TMEM156: variants seen among roughly 807,000 people sequenced by gnomAD.
TMEM156 encodes transmembrane protein 156.
TMEM156 carries 28 observed loss-of-function variants against 30.5 expected under a neutral mutation model. The ratio of observed to expected loss-of-function variants is 0.92; its 90% confidence interval spans 0.68 to 1.26. The LOEUF is 1.26. Among genes scored for constraint, TMEM156 ranks in the 50% most tolerant of loss-of-function variants. TMEM156 has a pLI of 0.00. For missense variants in TMEM156, 351 were observed against 340.6 expected (o/e 1.03, Z -0.24); for synonymous variants, 137 against 119.9 (o/e 1.14, Z -0.93).
At chr4:38,994,074 AT>A in intron 2 of TMEM156, 76 bp from the exon 3 acceptor site, 1 of 1,293,496 alleles carries the variant, frequency 7.7e-7, no homozygotes, top group East Asian at 2.4e-5. Context: ...TCAAAACTAA[AT>A]CTCTTCCTTT....
intron 1 of TMEM156, among the ~76,000 whole-genome samples, chr4:39,012,624 G>C (rs11096972): frequency 0.38 from 57,363 of 152,002 alleles, 11,529 homozygotes; most frequent in East Asian, 0.6. Flanking sequence ...TGGCCAACAT[G>C]GTGAAACCTG....
intron 5 of TMEM156, among the ~76,000 whole-genome samples, chr4:38,976,330 A>G (rs929427363): frequency 2.4e-4 from 36 of 151,442 alleles, no homozygotes; most frequent in African/African-American, 8.5e-4. Context: ...CCATGCTGTG[A>G]AATGCCTATG....
chr4:39,008,289 T>C (rs1451840454), intron 1 of TMEM156, among the ~76,000 whole-genome samples: 1 of 152,168 alleles, frequency 6.6e-6, no homozygotes, highest in African/African-American at 2.4e-5. Flanking sequence ...GCAAATTCTC[T>C]TTTAGTCCTA....
At chr4:38,973,086 G>T (rs1722686935) in intron 5 of TMEM156, among the ~76,000 whole-genome samples, 1 of 152,136 alleles carries the variant, frequency 6.6e-6, no homozygotes, top group Non-Finnish European at 1.5e-5. Flanking sequence ...ACCCTAATGT[G>T]AGTGTGAGAT....
At chr4:38,969,700 T>C (rs112563841) in intron 6 of TMEM156, among the ~76,000 whole-genome samples, 2,606 of 152,278 alleles carry the variant, frequency 0.017, 28 homozygotes, top group East Asian at 0.062. Context: ...TCAAGTGATC[T>C]TCCTGCCTCA....
At chr4:39,032,135 T>G (rs1577599931) in intron 1 of TMEM156, 91 bp downstream of exon 1, 5 of 764,626 alleles carry the variant, frequency 6.5e-6, no homozygotes, top group Non-Finnish European at 1.1e-5. Context: ...ATGCAGCATG[T>G]GTCCAAAAAG....
chr4:38,982,542 T>C (rs947295907), intron 5 of TMEM156, among the ~76,000 whole-genome samples: 1 of 152,248 alleles, frequency 6.6e-6, no homozygotes, highest in Non-Finnish European at 1.5e-5. Flanking sequence ...GACTCATTTC[T>C]TGCTCATCCG....
intron 5 of TMEM156, 104 bp from the exon 6 acceptor site, chr4:38,971,241 C>T: frequency 9.2e-7 from 1 of 1,084,096 alleles, no homozygotes; most frequent in South Asian, 1.4e-5. Flanking sequence ...TGCTCTACCT[C>T]TAGAAAGGAT....
chr4:39,012,179 A>G (rs1714172784), intron 1 of TMEM156, among the ~76,000 whole-genome samples: 1 of 152,244 alleles, frequency 6.6e-6, no homozygotes, highest in South Asian at 2.1e-4. Context: ...TTTAAAAATG[A>G]TATAGTACTT....
intron 2 of TMEM156, 71 bp from the exon 3 acceptor site, chr4:38,994,069 A>C: frequency 7.5e-7 from 1 of 1,331,994 alleles, no homozygotes; most frequent in Non-Finnish European, 1.0e-6. Flanking sequence ...ACAATTCAAA[A>C]CTAAATCTCT....
In TMEM156 at chr4:38,979,742, T is replaced by G. The variant is rs931768183; in HGVS notation, c.823+6594A>C. 3.3e-5 allele frequency among the ~76,000 whole-genome samples: 5 copies of G among 152,206 alleles called. No homozygotes were observed. The East Asian group carries it at 9.6e-4, about 29-fold the overall frequency. ...GTATTTGGGTTTCCTCACAAGAGCT[T>G]CTCCAAAAATGAAGGAATTCAAGTT... On this transcript the variant is annotated intron_variant, in intron 5 of 6. Coordinates refer to ENST00000381938, the MANE Select transcript of TMEM156 (RefSeq NM_024943.3).
At chr4:38,978,790 T>G (rs1486737202) in intron 5 of TMEM156, among the ~76,000 whole-genome samples, 1 of 152,184 alleles carries the variant, frequency 6.6e-6, no homozygotes, top group South Asian at 2.1e-4. Context: ...AATGCATTTT[T>G]TTTTTCTTTT....
intron 5 of TMEM156, among the ~76,000 whole-genome samples, chr4:38,979,584 G>A (rs1333103632): frequency 1.3e-5 from 2 of 152,214 alleles, no homozygotes; most frequent in African/African-American, 4.8e-5. Context: ...TTCAGCAGGG[G>A]AGGCCTATGG....
intron 1 of TMEM156, among the ~76,000 whole-genome samples, chr4:39,013,789 T>C (rs569620671): frequency 6.6e-6 from 1 of 152,316 alleles, no homozygotes; most frequent in Admixed American, 6.5e-5. Flanking sequence ...AGGATATATC[T>C]GTAATGTAGA....
At chr4:39,015,655 T>C (rs1012542634) in intron 1 of TMEM156, among the ~76,000 whole-genome samples, 2 of 152,186 alleles carry the variant, frequency 1.3e-5, no homozygotes, top group Non-Finnish European at 2.9e-5. Flanking sequence ...AAGTTTATGA[T>C]CATTTGTTAC....
chr4:39,032,374 C>T lies in TMEM156; in HGVS notation c.-61G>A. The T allele has an allele frequency of 2.9e-6, 3 of 1,050,996 alleles. No homozygotes were observed. The highest frequency in any genetic ancestry group is 4.3e-6 in the Non-Finnish European group (3 of 690,652). The allele number at this position is 1,050,996 out of a possible 1,614,324, so 65.1% of individuals were successfully genotyped here. On this transcript the variant is annotated 5_prime_UTR_variant, in exon 1 of 7. Transcript: ENST00000381938. ...TACATTCATGGTATGTTGCTTCCTGCTTTAAGTTTATCTCTGCAGCACTTT... is the reference window on the plus strand; with the variant it reads ...TACATTCATGGTATGTTGCTTCCTGTTTTAAGTTTATCTCTGCAGCACTTT...
intron 5 of TMEM156, among the ~76,000 whole-genome samples, chr4:38,981,792 C>T (rs760304018): frequency 3.9e-5 from 6 of 152,192 alleles, no homozygotes; most frequent in Admixed American, 6.5e-5. Flanking sequence ...TCTCCTATGT[C>T]AACCACAGGT....
At chr4:39,004,657 G>A (rs1444514548) in intron 1 of TMEM156, among the ~76,000 whole-genome samples, 1 of 151,812 alleles carries the variant, frequency 6.6e-6, no homozygotes, top group Non-Finnish European at 1.5e-5. Context: ...AATTATATAT[G>A]GTATTTTTAT....
chr4:38,999,115 T>TTTTTA (rs1713150261), intron 1 of TMEM156, among the ~76,000 whole-genome samples: 1 of 72,140 alleles, frequency 1.4e-5, no homozygotes, highest in African/African-American at 4.2e-5. Context: ...TATTTATTTT[T>TTTTTA]TTTTTTTTTT....
Sources: allele counts gnomAD v4.1 joint callset (sites outside exome capture counted in the v4.1 genomes callset), GRCh38; gene constraint gnomAD v4.1.1; transcripts MANE v1.5; gene names NCBI Gene and HGNC (gene_info 2026-07-23, HGNC 2026-07-21).